The following LYN variants were observed in gnomAD, a reference collection of about 807,000 sequenced individuals.
LYN encodes the protein LYN proto-oncogene, Src family tyrosine kinase.
A neutral mutation model predicts 65.0 loss-of-function variants in LYN; 12 were observed. The observed-to-expected ratio is 0.18, with a 90% confidence interval of 0.12 to 0.30. The LOEUF is 0.30. LYN is among the 10% of genes least tolerant of loss of function. The pLI is 1.00. For synonymous variants in LYN, 222 were observed against 221.2 expected (o/e 1.00, Z -0.03); for missense variants, 380 against 623.2 (o/e 0.61, Z 4.16).
chr8:55,896,582 C>T (rs1585571299), intron 1 of LYN, among the ~76,000 whole-genome samples: 1 of 152,102 alleles, frequency 6.6e-6, no homozygotes, highest in South Asian at 2.1e-4. Flanking sequence ...TACAGCAAAC[C>T]ACCATGGCTC....
At chr8:55,883,177 TG>T (rs2130344563) in intron 1 of LYN, among the ~76,000 whole-genome samples, 1 of 152,374 alleles carries the variant, frequency 6.6e-6, no homozygotes, top group South Asian at 2.1e-4. Flanking sequence ...AATGGTTGTA[TG>T]GGTACTTGAA....
intron 8 of LYN, among the ~76,000 whole-genome samples, chr8:55,956,506 C>T (rs1036446904): frequency 1.3e-5 from 2 of 152,164 alleles, no homozygotes; most frequent in African/African-American, 4.8e-5. Context: ...TTAAATGGAT[C>T]ATTTAAATTT....
At position 56,010,328 on chromosome 8, in the gene LYN, C is replaced by A; in HGVS notation, c.*218C>A. ...CCACTCAGTTGCAACTTGGACTTGTCCTCAGCAGCTGGTAATCTTGCTCTG... is the reference window on the plus strand; with the variant it reads ...CCACTCAGTTGCAACTTGGACTTGTACTCAGCAGCTGGTAATCTTGCTCTG... On this transcript the variant is annotated 3_prime_UTR_variant, in exon 13 of 13. Coordinates refer to ENST00000519728, the MANE Select transcript of LYN (RefSeq NM_002350.4). The A allele has an allele frequency of 1.9e-6, 1 of 524,808 alleles. No individual in the cohort carries two copies. The highest frequency in any genetic ancestry group is 3.4e-6 in the Non-Finnish European group (1 of 290,248). The allele number at this position is 524,808 out of a possible 1,614,324, so 32.5% of individuals were successfully genotyped here. A position where few individuals can be genotyped will look rare whatever the true frequency, so the allele number is the denominator to read the frequency against.
intron 10 of LYN, among the ~76,000 whole-genome samples, chr8:55,987,675 C>T (rs1383867509): frequency 6.6e-6 from 1 of 152,110 alleles, no homozygotes; most frequent in Non-Finnish European, 1.5e-5. Context: ...CTCGTCCTCC[C>T]AAAGTGCTGG....
At chr8:55,927,000 C>G (rs1285100871) in intron 1 of LYN, among the ~76,000 whole-genome samples, 1 of 152,192 alleles carries the variant, frequency 6.6e-6, no homozygotes, top group Non-Finnish European at 1.5e-5. Flanking sequence ...ACTTCCCACC[C>G]TCAACCAGCT....
intron 1 of LYN, among the ~76,000 whole-genome samples, chr8:55,911,711 G>C (rs946986273): frequency 6.6e-6 from 1 of 152,070 alleles, no homozygotes; most frequent in Admixed American, 6.6e-5. Flanking sequence ...ACTGAGGCAG[G>C]GAGTCAAAGC....
At chr8:55,927,013 T>C (rs933890875) in intron 1 of LYN, among the ~76,000 whole-genome samples, 1 of 152,230 alleles carries the variant, frequency 6.6e-6, no homozygotes, top group Non-Finnish European at 1.5e-5. Context: ...AACCAGCTTA[T>C]TATTAACATA....
chr8:55,976,572 G>A (rs1427333986), intron 10 of LYN, among the ~76,000 whole-genome samples: 1 of 152,170 alleles, frequency 6.6e-6, no homozygotes, highest in African/African-American at 2.4e-5. Flanking sequence ...TGGGGGACAG[G>A]TGAGTTGCAG....
intron 1 of LYN, among the ~76,000 whole-genome samples, chr8:55,939,764 T>C (rs1212394419): frequency 1.3e-5 from 2 of 152,200 alleles, no homozygotes; most frequent in Admixed American, 1.3e-4. Context: ...AACACCGCTT[T>C]TTCGGGGAGG....
At chr8:55,911,102 T>TATATATATATAC (rs373111685) in intron 1 of LYN, among the ~76,000 whole-genome samples, 8 of 28,850 alleles carry the variant, frequency 2.8e-4, no homozygotes, top group African/African-American at 9.4e-4. Context: ...TATATATACA[T>TATATATATATAC]ACACGTATAT....
chr8:55,898,941 C>T (rs369732050), intron 1 of LYN, among the ~76,000 whole-genome samples: 4 of 152,192 alleles, frequency 2.6e-5, no homozygotes, highest in Admixed American at 1.3e-4. Flanking sequence ...CCTCCTGCCT[C>T]AGCCTCCTGT....
intron 6 of LYN, among the ~76,000 whole-genome samples, chr8:55,951,118 C>T (rs1202663243): frequency 6.6e-6 from 1 of 151,686 alleles, no homozygotes; most frequent in Admixed American, 6.6e-5. Flanking sequence ...CAGCACATGC[C>T]TATAGTCCCA....
chr8:55,917,744 A>G (rs1024544994), intron 1 of LYN, among the ~76,000 whole-genome samples: 2 of 152,236 alleles, frequency 1.3e-5, no homozygotes, highest in African/African-American at 2.4e-5. Context: ...GATTTATAGA[A>G]TTAGAGTTAA....
rs1585690981 is a variant in LYN at position 56,010,430 on chromosome 8, T to A, written c.*320T>A. The A allele has an allele frequency of 2.7e-6, 1 of 369,484 alleles. No individual in the cohort carries two copies. The highest frequency in any genetic ancestry group is 4.4e-5 in the East Asian group (1 of 22,560). 22.9% of individuals were successfully genotyped at this position (369,484 alleles called of 1,614,324 possible). A position where few individuals can be genotyped will look rare whatever the true frequency, so the allele number is the denominator to read the frequency against. On this transcript the variant is annotated 3_prime_UTR_variant, in exon 13 of 13. Transcript: ENST00000519728. ...AAAAATGCACCCAACTAGCTCTATG[T>A]TTACAAATGGACATAGGACTCAAAG...
At chr8:55,961,960 C>T (rs1807292297) in intron 8 of LYN, among the ~76,000 whole-genome samples, 1 of 149,148 alleles carries the variant, frequency 6.7e-6, no homozygotes, top group Non-Finnish European at 1.5e-5. Context: ...CTTAATTTTG[C>T]CACTTTTGTA....
In LYN at chr8:56,011,240, A is replaced by T; in HGVS notation, c.*1130A>T. The T allele has an allele frequency of 4.4e-6, 1 of 227,024 alleles. No homozygotes were observed. The highest frequency in any genetic ancestry group is 8.8e-6 in the Non-Finnish European group (1 of 114,196). 14.1% of individuals were successfully genotyped at this position (227,024 alleles called of 1,614,324 possible). A position where few individuals can be genotyped will look rare whatever the true frequency, so the allele number is the denominator to read the frequency against. On this transcript the variant is annotated 3_prime_UTR_variant, in exon 13 of 13. Transcript: ENST00000519728. ...ATAAGCCACGGTGGCAGGAGGTTCAAGCGGTTCTGTTCACTAAATTTTTCT... is the reference window on the plus strand; with the variant it reads ...ATAAGCCACGGTGGCAGGAGGTTCATGCGGTTCTGTTCACTAAATTTTTCT...
At chr8:56,009,698 T>C (rs1266162339) in intron 12 of LYN, among the ~76,000 whole-genome samples, 2 of 152,218 alleles carry the variant, frequency 1.3e-5, no homozygotes, top group Non-Finnish European at 2.9e-5. Flanking sequence ...TCTCTAAATA[T>C]GGTGCTGTCA....
chr8:55,990,367 A>G (rs1808214885), intron 10 of LYN, among the ~76,000 whole-genome samples: 1 of 151,610 alleles, frequency 6.6e-6, no homozygotes, highest in South Asian at 2.1e-4. Context: ...AAAGGTTCTT[A>G]TCATGTAGAT....
chr8:55,936,530 C>A (rs1190125794), intron 1 of LYN, among the ~76,000 whole-genome samples: 2 of 152,102 alleles, frequency 1.3e-5, no homozygotes, highest in African/African-American at 4.8e-5. Context: ...ATCCCAGCTA[C>A]CTGGGAGGCT....
Sources: gnomAD v4.1 joint callset for allele counts (sites outside exome capture counted in the v4.1 genomes callset) on GRCh38, gnomAD v4.1.1 for gene constraint, MANE v1.5 for transcripts, NCBI Gene and HGNC (gene_info 2026-07-23, HGNC 2026-07-21) for gene names.